STAG1: variants seen among roughly 807,000 people sequenced by gnomAD.
The protein encoded by STAG1 is cohesin subunit SA-1.
In STAG1, 26 loss-of-function variants were observed where a neutral mutation model predicts 170.9. The ratio of observed to expected loss-of-function variants is 0.15; its 90% CI spans 0.11 to 0.21. The LOEUF is 0.21. Ranked by LOEUF, STAG1 falls within the 10% of genes least tolerant of loss-of-function variation. The pLI is 1.00. For missense variants in STAG1, 964 were observed against 1,509.5 expected, an observed-to-expected ratio of 0.64 and a Z score of 5.99; for synonymous variants, 514 against 497.7, an observed-to-expected ratio of 1.03 and a Z score of -0.44.
At position 136,359,273 on chromosome 3, in the gene STAG1, C is replaced by A; in HGVS notation, c.2811G>T (p.Glu937Asp). 1 of 1,592,124 alleles carries A rather than the reference C, an allele frequency of 6.3e-7. No individual in the cohort carries two copies. Among genetic ancestry groups the A allele is most frequent in the South Asian group, 1.2e-5 (1 of 86,362 alleles). Reference sequence around the variant, plus strand: ...ATGTCCTATCTAGGTTGGGACCTTGCTCTTGAACAAGTTCATTAAATAACT... The same window carrying A: ...ATGTCCTATCTAGGTTGGGACCTTGATCTTGAACAAGTTCATTAAATAACT... ...LQQLFNELVQ[E>D]QGPNLDRTSA... The change falls in exon 27 of 34, where the codon GAG becomes GAT. Residue 937 changes from glutamate (E) to aspartate (D), a missense_variant. By Grantham distance (45) the Glu-to-Asp change is conservative. Around this residue, in one of 11 missense-constraint regions of STAG1, gnomAD observed 149 missense variants for 301.3 expected, o/e 0.49. Transcript: ENST00000383202.
intron 23 of STAG1, among the ~76,000 whole-genome samples, chr3:136,375,882 T>C (rs1332792180): frequency 1.3e-5 from 2 of 151,432 alleles, no homozygotes; most frequent in African/African-American, 2.4e-5. Context: ...AGACAGGGAA[T>C]TGCTTGAACT....
rs1576831651 is a variant in STAG1, at chr3:136,737,033, C to T, written c.-84+15162G>A. The T allele has an allele frequency of 4.0e-5, 59 of 1,480,908 alleles. No individual in the cohort carries two copies. The East Asian group carries it at 1.3e-3, about 33-fold the overall frequency. The allele number at this position is 1,480,908 out of a possible 1,614,324, so 91.7% of individuals were successfully genotyped here. A position where few individuals can be genotyped will look rare whatever the true frequency, so the allele number is the denominator to read the frequency against. On this transcript the variant is annotated intron_variant, in intron 1 of 33. Transcript: ENST00000383202. ...GATAACTGCCGCTTTTTTATTTCTT[C>T]ATCTGTAACTTCAGGATCTGAAGAA...
chr3:136,531,669 C>A (rs951757850), intron 6 of STAG1, among the ~76,000 whole-genome samples: 2 of 149,110 alleles, frequency 1.3e-5, no homozygotes, highest in Admixed American at 1.3e-4. Context: ...AACAAAAAAC[C>A]AAACACCGCA....
chr3:136,590,489 T>C (rs1257203265), intron 4 of STAG1, among the ~76,000 whole-genome samples: 1 of 148,392 alleles, frequency 6.7e-6, no homozygotes, highest in Non-Finnish European at 1.5e-5. Flanking sequence ...CAAGACTCTG[T>C]CTCAAAAAAA....
At chr3:136,743,082 A>G (rs1373467787) in intron 1 of STAG1, among the ~76,000 whole-genome samples, 2 of 152,114 alleles carry the variant, frequency 1.3e-5, no homozygotes, top group African/African-American at 4.8e-5. Context: ...AAAAGAACAT[A>G]CTGGCCAGAT....
At chr3:136,675,516 A>T (rs770972883) in intron 1 of STAG1, among the ~76,000 whole-genome samples, 3 of 152,204 alleles carry the variant, frequency 2.0e-5, no homozygotes, top group Non-Finnish European at 4.4e-5. Context: ...ACCCTAACTG[A>T]TAGAACCACT....
chr3:136,487,499 T>C (rs972498126), intron 9 of STAG1, among the ~76,000 whole-genome samples: 1 of 152,154 alleles, frequency 6.6e-6, no homozygotes, highest in Non-Finnish European at 1.5e-5. Context: ...ACTTTAAAAA[T>C]GTAAATATCC....
chr3:136,618,268 T>A (rs1016641804), intron 3 of STAG1, among the ~76,000 whole-genome samples: 3 of 152,156 alleles, frequency 2.0e-5, no homozygotes, highest in Non-Finnish European at 2.9e-5. Flanking sequence ...TCGGAATTAG[T>A]TTAGCCTGGG....
chr3:136,505,447 C>G (rs1933708701), intron 7 of STAG1, among the ~76,000 whole-genome samples: 1 of 152,162 alleles, frequency 6.6e-6, no homozygotes, highest in African/African-American at 2.4e-5. Flanking sequence ...TTATAGCAAT[C>G]TGACAATTTA....
At chr3:136,619,755 T>TC (rs1939758700) in intron 3 of STAG1, among the ~76,000 whole-genome samples, 2 of 20,042 alleles carry the variant, frequency 1.0e-4, no homozygotes, top group African/African-American at 1.8e-4. Context: ...AGACTCTGTC[T>TC]CAAAAAAAAA....
intron 1 of STAG1, among the ~76,000 whole-genome samples, chr3:136,740,541 C>T (rs1280869591): frequency 1.3e-5 from 2 of 152,086 alleles, no homozygotes; most frequent in East Asian, 1.9e-4. Context: ...AGTGTAGTGG[C>T]GCAATCTCAG....
At chr3:136,354,763 A>AAAAAAAAAAAAAAAAAAAAAAAAAAAAC (rs1936575088) in intron 28 of STAG1, among the ~76,000 whole-genome samples, 1 of 146,114 alleles carries the variant, frequency 6.8e-6, no homozygotes, top group Non-Finnish European at 1.5e-5. Context: ...CCAAAAAAAA[A>AAAAAAAAAAAAAAAAAAAAAAAAAAAAC]AAAAACCAAA....
At chr3:136,367,770 T>C (rs561924423) in intron 24 of STAG1, among the ~76,000 whole-genome samples, 63 of 152,284 alleles carry the variant, frequency 4.1e-4, no homozygotes, top group Non-Finnish European at 8.2e-4. Flanking sequence ...ATATTTTGCA[T>C]ACCATGTTAT....
chr3:136,598,645 T>G (rs1352119642), intron 4 of STAG1, among the ~76,000 whole-genome samples: 1 of 152,024 alleles, frequency 6.6e-6, no homozygotes, highest in Non-Finnish European at 1.5e-5. Flanking sequence ...CCAGGATGGT[T>G]TCGATCTCCT....
At chr3:136,530,509 T>A (rs546704755) in intron 6 of STAG1, among the ~76,000 whole-genome samples, 20 of 152,308 alleles carry the variant, frequency 1.3e-4, no homozygotes, top group African/African-American at 4.8e-4. Flanking sequence ...ATAGACCATA[T>A]GTTAAGCCAC....
intron 5 of STAG1, among the ~76,000 whole-genome samples, chr3:136,552,199 AATTAC>A (rs1194931224): frequency 2.6e-5 from 4 of 152,230 alleles, no homozygotes; most frequent in East Asian, 1.9e-4. Flanking sequence ...TGAAAGCAGA[AATTAC>A]ATTACAACAA....
intron 22 of STAG1, 110 bp from the exon 23 acceptor site, chr3:136,377,862 C>A: frequency 1.2e-6 from 1 of 821,340 alleles, no homozygotes; most frequent in East Asian, 2.6e-5. Flanking sequence ...CAAGGAAATT[C>A]ATATAACCAA....
intron 21 of STAG1, among the ~76,000 whole-genome samples, chr3:136,411,295 T>G (rs1378692221): frequency 6.6e-6 from 1 of 151,972 alleles, no homozygotes; most frequent in East Asian, 1.9e-4. Flanking sequence ...CCAGAAAATA[T>G]TTCATCTTTC....
intron 1 of STAG1, among the ~76,000 whole-genome samples, chr3:136,648,475 T>C (rs1156816465): frequency 6.6e-6 from 1 of 152,206 alleles, no homozygotes; most frequent in African/African-American, 2.4e-5. Flanking sequence ...CCTGTAAAAA[T>C]TTTCTTAGAT....
Sources: gnomAD v4.1 joint callset for allele counts (sites outside exome capture counted in the v4.1 genomes callset) on GRCh38, gnomAD v4.1.1 for gene constraint, gnomAD v4.1.1 regional missense constraint, MANE v1.5 for transcripts, NCBI Gene and HGNC (gene_info 2026-07-23, HGNC 2026-07-21) for gene names.